GOLIM4: variants seen among roughly 807,000 people sequenced by gnomAD.
GOLIM4 encodes 130 kDa golgi-localized phosphoprotein.
A neutral mutation model predicts 107.4 loss-of-function variants in GOLIM4; 71 were observed. The observed-to-expected ratio is 0.66, with a 90% confidence interval of 0.55 to 0.81. The LOEUF is 0.81. GOLIM4 is among the 30% of genes least tolerant of loss of function. The pLI is 0.00. For missense variants in GOLIM4, 830 were observed against 826.1 expected, an observed-to-expected ratio of 1.00 and a Z score of -0.06; for synonymous variants, 327 against 294.8, an observed-to-expected ratio of 1.11 and a Z score of -1.12.
At chr3:168,022,487 T>C (rs1717759553) in intron 14 of GOLIM4, among the ~76,000 whole-genome samples, 1 of 152,166 alleles carries the variant, frequency 6.6e-6, no homozygotes, top group Non-Finnish European at 1.5e-5. Flanking sequence ...ATTTTTCTCA[T>C]TTTGCCATAG....
In GOLIM4 at chr3:168,032,396, T is replaced by C. The variant is rs1718378704; in HGVS notation, c.1176+124A>G. The C allele has an allele frequency of 1.7e-5, 13 of 744,550 alleles. No homozygotes were observed. In the East Asian group the frequency reaches 3.2e-4, roughly 18 times the overall value. 46.1% of individuals were successfully genotyped at this position (744,550 alleles called of 1,614,324 possible). ...ACAAGAGAAAACTTAAATATGAGCATATAATGTTTAGTAGAATCACTCACA... is the reference window on the plus strand; with the variant it reads ...ACAAGAGAAAACTTAAATATGAGCACATAATGTTTAGTAGAATCACTCACA... On this transcript the variant is annotated intron_variant, in intron 9 of 15. Transcript: ENST00000470487.
intron 14 of GOLIM4, among the ~76,000 whole-genome samples, chr3:168,013,809 A>C (rs1023205516): frequency 4.6e-5 from 7 of 151,358 alleles, no homozygotes; most frequent in African/African-American, 1.7e-4. Flanking sequence ...TAACGAAATG[A>C]AGGCAGAAAT....
At position 168,013,506 on chromosome 3, in the gene GOLIM4, C is replaced by A. The variant is rs573490346; in HGVS notation, c.1861-2683G>T. 5.8e-4 allele frequency among the ~76,000 whole-genome samples: 82 copies of A among 142,310 alleles called. 1 individual carries two copies. The highest frequency in any genetic ancestry group is 2.5e-3 in the African/African-American group (80 of 32,596). The allele number at this position is 142,310 out of a possible 152,430, so 93.4% of individuals were successfully genotyped here. The stretch of plus-strand genomic sequence containing the variant: ...CGAGACAGAAAGTCAACAAGGATAC[C>A]CAGGAATTGAACTCAGCTCTGCACC... On this transcript the variant is annotated intron_variant, in intron 14 of 15. Transcript: ENST00000470487.
intron 3 of GOLIM4, among the ~76,000 whole-genome samples, chr3:168,045,192 A>C (rs1160829978): frequency 6.6e-6 from 1 of 152,168 alleles, no homozygotes; most frequent in Non-Finnish European, 1.5e-5. Flanking sequence ...CAGACATACG[A>C]ACTTGTCCTG....
chr3:168,062,936 C>G (rs542505907), intron 1 of GOLIM4, among the ~76,000 whole-genome samples: 3 of 152,236 alleles, frequency 2.0e-5, no homozygotes, highest in African/African-American at 7.2e-5. Flanking sequence ...ACCGTGCCTT[C>G]CATTTTAGAT....
intron 14 of GOLIM4, among the ~76,000 whole-genome samples, chr3:168,021,976 G>T (rs1385727131): frequency 6.6e-6 from 1 of 152,318 alleles, no homozygotes; most frequent in Non-Finnish European, 1.5e-5. Flanking sequence ...CGTTTGGAAT[G>T]TAAGCAACGT....
intron 1 of GOLIM4, among the ~76,000 whole-genome samples, chr3:168,092,040 AC>A (rs138594713): frequency 1.3e-5 from 2 of 152,242 alleles, no homozygotes; most frequent in East Asian, 1.9e-4. Flanking sequence ...CCTGGGTTCC[AC>A]CCCCCATAGA....
At chr3:168,048,264 CAG>C (rs774957165) in intron 2 of GOLIM4, 25 bp downstream of exon 2, 1 of 1,187,326 alleles carries the variant, frequency 8.4e-7, no homozygotes, top group Non-Finnish European at 1.2e-6. Flanking sequence ...TGGAAAAACA[CAG>C]AACACAAATT....
chr3:168,026,583 T>C (rs1055656585), intron 12 of GOLIM4, among the ~76,000 whole-genome samples: 1 of 152,162 alleles, frequency 6.6e-6, no homozygotes, highest in Non-Finnish European at 1.5e-5. Flanking sequence ...AATCAAAGCC[T>C]ACAGCAGTTC....
rs1315521105 is a variant in GOLIM4, at chr3:168,013,890, G to C, written c.1861-3067C>G. ...GAATCTCTGGGACGCATTCAAAGCA[G>C]TGTGTAGAGGGAAATTTATAGCACT... On this transcript the variant is annotated intron_variant, in intron 14 of 15. Transcript: ENST00000470487. Among the ~76,000 whole-genome samples, 15 of 151,466 alleles carry C rather than the reference G, an allele frequency of 9.9e-5. No individual in the cohort carries two copies. In the East Asian group the frequency reaches 2.7e-3, roughly 27 times the overall value.
chr3:168,024,865 A>G, intron 13 of GOLIM4, 63 bp downstream of exon 13: 3 of 1,503,252 alleles, frequency 2.0e-6, no homozygotes, highest in Non-Finnish European at 1.8e-6. Context: ...AACCTTTTAC[A>G]TAAACCAGAT....
At chr3:168,059,621 C>T (rs1481783932) in intron 1 of GOLIM4, among the ~76,000 whole-genome samples, 2 of 152,020 alleles carry the variant, frequency 1.3e-5, no homozygotes, top group Non-Finnish European at 2.9e-5. Flanking sequence ...AACAATTTGC[C>T]TTTAGGAGGA....
chr3:168,058,273 A>C (rs768679112), intron 1 of GOLIM4, among the ~76,000 whole-genome samples: 1 of 152,212 alleles, frequency 6.6e-6, no homozygotes, highest in Non-Finnish European at 1.5e-5. Flanking sequence ...TTGGTGCTTA[A>C]CTGCCTTTTC....
At chr3:168,013,468 T>A (rs1359744581) in intron 14 of GOLIM4, among the ~76,000 whole-genome samples, 2 of 148,662 alleles carry the variant, frequency 1.3e-5, no homozygotes, top group Non-Finnish European at 2.9e-5. Flanking sequence ...ACTGTCAACA[T>A]TAGACAGATC....
chr3:168,037,443 A>AATACAC (rs1306922141), intron 7 of GOLIM4, among the ~76,000 whole-genome samples: 8 of 138,840 alleles, frequency 5.8e-5, no homozygotes, highest in Non-Finnish European at 1.3e-4. Flanking sequence ...ATAAATTTTA[A>AATACAC]ATACACATAC....
intron 1 of GOLIM4, among the ~76,000 whole-genome samples, chr3:168,092,435 T>C (rs1721962019): frequency 6.6e-6 from 1 of 151,984 alleles, no homozygotes. Flanking sequence ...TAACTTGGGG[T>C]TACAAGTAAC....
chr3:168,040,958 ACTTG>A, intron 6 of GOLIM4, 89 bp from the exon 7 acceptor site: 1 of 801,126 alleles, frequency 1.2e-6, no homozygotes, highest in South Asian at 1.5e-5. Context: ...CCCAAATGTT[ACTTG>A]CTTGTTTATT....
At chr3:168,037,473 A>AC (rs1718727937) in intron 7 of GOLIM4, among the ~76,000 whole-genome samples, 2 of 124,188 alleles carry the variant, frequency 1.6e-5, no homozygotes, top group Non-Finnish European at 3.7e-5. Flanking sequence ...CACACACACA[A>AC]ACACACACAC....
intron 14 of GOLIM4, among the ~76,000 whole-genome samples, chr3:168,018,406 C>A (rs1189630163): frequency 1.3e-5 from 2 of 152,202 alleles, no homozygotes; most frequent in Non-Finnish European, 2.9e-5. Flanking sequence ...TTCAAAGATA[C>A]CCTGGGCAGA....
Sources: allele counts gnomAD v4.1 joint callset (sites outside exome capture counted in the v4.1 genomes callset), GRCh38; gene constraint gnomAD v4.1.1; transcripts MANE v1.5; gene names NCBI Gene and HGNC (gene_info 2026-07-23, HGNC 2026-07-21).